Variants in DAB1 observed in about 807,000 individuals in gnomAD.
DAB1 encodes the protein disabled homolog 1.
DAB1 carries 15 observed loss-of-function variants against 64.6 expected under a neutral mutation model. The observed-to-expected ratio is 0.23, with a 90% CI of 0.16 to 0.36. The LOEUF (loss-of-function observed/expected upper bound fraction) is 0.36. Ranked by LOEUF, DAB1 falls within the 10% of genes least tolerant of loss-of-function variation. The pLI is 1.00. For synonymous variants in DAB1, 235 were observed against 251.9 expected, an observed-to-expected ratio of 0.93 and a Z score of 0.64; for missense variants, 596 against 706.7, an observed-to-expected ratio of 0.84 and a Z score of 1.78.
intron 2 of DAB1, among the ~76,000 whole-genome samples, chr1:57,220,411 TA>T (rs1008619630): frequency 2.6e-4 from 40 of 152,298 alleles, no homozygotes; most frequent in African/African-American, 9.6e-4. Context: ...GTAACAACCA[TA>T]ACCATAATTA....
intron 4 of DAB1, among the ~76,000 whole-genome samples, chr1:58,267,301 T>C (rs1327408916): frequency 6.6e-6 from 1 of 151,964 alleles, no homozygotes; most frequent in Non-Finnish European, 1.5e-5. Context: ...CTTGAAGGAG[T>C]ATCCAGCATT....
chr1:58,304,750 C>T lies in DAB1; in HGVS notation n.309+38602G>A, dbSNP rs148954803. 1.2e-3 allele frequency among the ~76,000 whole-genome samples: 186 copies of T among 152,272 alleles called. 1 individual carries two copies. The highest frequency in any genetic ancestry group is 4.0e-3 in the African/African-American group (168 of 41,568). ...CAGGACCCCAGCTGACTTACAGAAT[C>T]TCTGAGAGCCTGGAATCCCTTGTTT... On this transcript the variant is annotated intron_variant and non_coding_transcript_variant, in intron 4 of 20. Transcript: ENST00000485760.
At chr1:58,480,373 C>T (rs11580893) in intron 3 of DAB1, among the ~76,000 whole-genome samples, 8,517 of 152,144 alleles carry the variant, frequency 0.056, 359 homozygotes, top group Non-Finnish European at 0.08. Context: ...AATGCCCTCT[C>T]CCCCAATTCT....
chr1:58,448,042 C>A (rs757012183), intron 3 of DAB1, among the ~76,000 whole-genome samples: 41 of 152,104 alleles, frequency 2.7e-4, no homozygotes, highest in African/African-American at 9.4e-4. Context: ...GCTAACACAG[C>A]CCAGGCATCA....
At chr1:58,326,987 T>G (rs1454797759) in intron 4 of DAB1, among the ~76,000 whole-genome samples, 2 of 152,238 alleles carry the variant, frequency 1.3e-5, no homozygotes, top group Non-Finnish European at 2.9e-5. Flanking sequence ...AGGGACCATA[T>G]CACTTTTTAA....
chr1:57,457,552 A>T (rs562456323), intron 7 of DAB1, among the ~76,000 whole-genome samples: 1 of 152,304 alleles, frequency 6.6e-6, no homozygotes, highest in East Asian at 1.9e-4. Context: ...TCCATTTGGC[A>T]TTCTCAATGT....
At chr1:58,183,738 C>A (rs1331063352) in intron 4 of DAB1, among the ~76,000 whole-genome samples, 1 of 152,038 alleles carries the variant, frequency 6.6e-6, no homozygotes, top group Non-Finnish European at 1.5e-5. Flanking sequence ...GTTGTTATTT[C>A]CAGGGTTTTT....
At chr1:57,020,713 A>AC (rs1422895067) in intron 11 of DAB1, among the ~76,000 whole-genome samples, 1 of 152,182 alleles carries the variant, frequency 6.6e-6, no homozygotes, top group Non-Finnish European at 1.5e-5. Context: ...ATGTGCCAGC[A>AC]TTTTTCAGTG....
At chr1:57,047,093 G>A (rs573014859) in intron 9 of DAB1, among the ~76,000 whole-genome samples, 1 of 152,282 alleles carries the variant, frequency 6.6e-6, no homozygotes, top group South Asian at 2.1e-4. Flanking sequence ...CTGGTTGTAG[G>A]GTCAAAGAGA....
chr1:57,168,421 T>A (rs1661408761), intron 2 of DAB1, among the ~76,000 whole-genome samples: 1 of 152,154 alleles, frequency 6.6e-6, no homozygotes, highest in Non-Finnish European at 1.5e-5. Flanking sequence ...TTACTCCCAT[T>A]TTCCCCTGCA....
At chr1:57,250,403 T>C (rs1322942884) in intron 2 of DAB1, among the ~76,000 whole-genome samples, 1 of 152,216 alleles carries the variant, frequency 6.6e-6, no homozygotes, top group Admixed American at 6.5e-5. Flanking sequence ...AAAATACTGG[T>C]GTACCTACGC....
intron 2 of DAB1, among the ~76,000 whole-genome samples, chr1:57,205,911 CAT>C (rs1228178923): frequency 6.6e-6 from 1 of 152,218 alleles, no homozygotes; most frequent in African/African-American, 2.4e-5. Flanking sequence ...TTAGAAACCA[CAT>C]GTTTTTATTG....
At chr1:57,715,861 C>A (rs1337691519) in intron 6 of DAB1, among the ~76,000 whole-genome samples, 1 of 152,116 alleles carries the variant, frequency 6.6e-6, no homozygotes, top group Non-Finnish European at 1.5e-5. Context: ...CCATATTACC[C>A]AAATCAATCT....
intron 4 of DAB1, among the ~76,000 whole-genome samples, chr1:57,109,324 G>A (rs1052883923): frequency 6.6e-6 from 1 of 152,178 alleles, no homozygotes; most frequent in Non-Finnish European, 1.5e-5. Flanking sequence ...TTTATGACAT[G>A]AGTTTCCAAG....
chr1:57,161,975 C>T (rs919738901), intron 2 of DAB1, among the ~76,000 whole-genome samples: 4 of 152,068 alleles, frequency 2.6e-5, no homozygotes, highest in African/African-American at 9.7e-5. Flanking sequence ...GTGCAATAGC[C>T]CATCCTACAG....
chr1:57,408,435 A>G (rs377309159), intron 1 of DAB1, among the ~76,000 whole-genome samples: 4 of 152,282 alleles, frequency 2.6e-5, no homozygotes, highest in African/African-American at 7.2e-5. Flanking sequence ...GGATCAATAA[A>G]GATTCTCAGT....
intron 7 of DAB1, among the ~76,000 whole-genome samples, chr1:57,509,223 T>C (rs1263951368): frequency 6.6e-6 from 1 of 152,258 alleles, no homozygotes; most frequent in East Asian, 1.9e-4. Context: ...GTGCCTGGCA[T>C]AGTGCCTAGC....
At chr1:57,576,363 A>G (rs1462695782) in intron 7 of DAB1, among the ~76,000 whole-genome samples, 1 of 152,202 alleles carries the variant, frequency 6.6e-6, no homozygotes, top group Non-Finnish European at 1.5e-5. Flanking sequence ...TGAGTCAAAA[A>G]GAAGCTGTAC....
chr1:58,353,799 C>A (rs1443847899), intron 3 of DAB1, among the ~76,000 whole-genome samples: 1 of 146,188 alleles, frequency 6.8e-6, no homozygotes, highest in Admixed American at 7.1e-5. Context: ...ATAATGATCA[C>A]AAGAACTTTT....
Sources: allele counts gnomAD v4.1 joint callset (sites outside exome capture counted in the v4.1 genomes callset), GRCh38; gene constraint gnomAD v4.1.1; transcripts MANE v1.5; gene names NCBI Gene and HGNC (gene_info 2026-07-23, HGNC 2026-07-21).